Variants in ACIN1 observed in about 807,000 individuals in gnomAD.
ACIN1 encodes the protein apoptotic chromatin condensation inducer in the nucleus.
In ACIN1, 16 loss-of-function variants were observed where a neutral mutation model predicts 146.6. The observed-to-expected ratio is 0.11, with a 90% CI of 0.07 to 0.17. The LOEUF (loss-of-function observed/expected upper bound fraction) is 0.17, where lower values mean the gene tolerates loss of function less well. Ranked by LOEUF, ACIN1 falls within the 10% of genes least tolerant of loss-of-function variation. ACIN1 has a pLI of 1.00. For synonymous variants in ACIN1, 569 were observed against 582.7 expected (o/e 0.98, Z 0.34); for missense variants, 1,357 against 1,609.3 (o/e 0.84, Z 2.68).
chr14:23,061,269 G>A (rs767908253), intron 17 of ACIN1, 29 bp downstream of exon 17: 6 of 1,613,530 alleles, frequency 3.7e-6, no homozygotes, highest in East Asian at 2.2e-5. Context: ...CTACTAGTGG[G>A]TATGCGTACC....
chr14:23,075,461 A>G (rs763077611), intron 8 of ACIN1, among the ~76,000 whole-genome samples: 1 of 152,024 alleles, frequency 6.6e-6, no homozygotes, highest in African/African-American at 2.4e-5. Flanking sequence ...AGGACCCACA[A>G]ATTCCTGCTC....
At chr14:23,074,145 T>C (rs916184908) in intron 8 of ACIN1, among the ~76,000 whole-genome samples, 5 of 151,812 alleles carry the variant, frequency 3.3e-5, no homozygotes, top group African/African-American at 1.2e-4. Context: ...GCCGAAAATT[T>C]CTTTTTTTTA....
intron 4 of ACIN1, among the ~76,000 whole-genome samples, chr14:23,084,906 TAA>T (rs1249662085): frequency 6.6e-6 from 1 of 152,082 alleles, no homozygotes; most frequent in Non-Finnish European, 1.5e-5. Context: ...TGAAATAGGC[TAA>T]GTTATAAAAT....
chr14:23,061,938 C>A (rs1216220601), intron 16 of ACIN1, among the ~76,000 whole-genome samples: 1 of 139,192 alleles, frequency 7.2e-6, no homozygotes, highest in East Asian at 2.1e-4. Context: ...CGCGCCACTG[C>A]ACTCCAGCCT....
chr14:23,093,343 G>T, intron 2 of ACIN1, 136 bp downstream of exon 2: 1 of 871,950 alleles, frequency 1.1e-6, no homozygotes, highest in Non-Finnish European at 1.8e-6. Context: ...AACTGTCCTG[G>T]TTTGAGAACA....
At position 23,090,023 on chromosome 14, in the gene ACIN1, C is replaced by A. The variant is rs1384493314; in HGVS notation, c.395G>T (p.Ser132Ile). ...ASLLPPDFQS[S>I]LERPELELSR... ...GAGCTCCAGCTCTGGTCTCTCCAGG[C>A]TGCTCTGAAAGTCAGGAGGCAGCAG... Residue 132 changes from serine (S) to isoleucine (I), a missense_variant, in exon 4 of 19, where the codon AGC (serine) becomes ATC (isoleucine). Physicochemically the swap from Ser to Ile is moderately radical, Grantham distance 142. Around this residue, in one of 4 missense-constraint regions of ACIN1, gnomAD observed 771 missense variants for 746.6 expected, o/e 1.03. Transcript: ENST00000605057. The A allele has an allele frequency of 1.2e-6, 2 of 1,613,410 alleles. No homozygotes were observed. Among genetic ancestry groups the A allele is most frequent in the Non-Finnish European group, 1.7e-6 (2 of 1,179,834 alleles).
At chr14:23,092,867 C>G (rs1299566231) in intron 2 of ACIN1, among the ~76,000 whole-genome samples, 1 of 152,152 alleles carries the variant, frequency 6.6e-6, no homozygotes, top group South Asian at 2.1e-4. Context: ...AGCAGCTCCA[C>G]AAAACCCTAA....
intron 18 of ACIN1, 126 bp from the exon 19 acceptor site, chr14:23,059,600 C>T: frequency 1.4e-6 from 1 of 693,806 alleles, no homozygotes; most frequent in Non-Finnish European, 2.5e-6. Context: ...GTTGGGGGCT[C>T]AACAACTGCA....
At chr14:23,094,782 G>C (rs890877788) in intron 1 of ACIN1, 193 bp downstream of exon 1, 5 of 900,388 alleles carry the variant, frequency 5.6e-6, no homozygotes, top group Non-Finnish European at 8.2e-6. Context: ...CGCTGCTGCC[G>C]TTAAGGCGGG....
rs1490313516 is a variant in ACIN1, at chr14:23,084,579, C to T, written c.437-2743G>A. On this transcript the variant is annotated intron_variant, in intron 4 of 18. Coordinates refer to ENST00000605057, the MANE Select transcript of ACIN1 (RefSeq NM_001386863.1). ...GAGCCGAGATGGCGCTATTGCACTC[C>T]AGCCTGGGCGACAGAGCGAGACTCC... Among the ~76,000 whole-genome samples, 4 of 149,972 alleles carry T rather than the reference C, an allele frequency of 2.7e-5. No individual in the cohort carries two copies. In the East Asian group the frequency reaches 7.9e-4, roughly 30 times the overall value.
chr14:23,089,983 G>GGGC lies in ACIN1; in HGVS notation c.432_434dup (p.Pro145dup). Reference sequence around the variant, plus strand: ...CGCAGTGGGGAGGGAGATACGTACTGGGCGAATGTCTGCTGAGCTCCAGCT... The same window carrying GGGC: ...CGCAGTGGGGAGGGAGATACGTACTGGGCGGCGAATGTCTGCTGAGCTCCAGCT... On this transcript the variant is annotated inframe_insertion and splice_region_variant, in exon 4 of 19. Coordinates refer to ENST00000605057, the MANE Select transcript of ACIN1 (RefSeq NM_001386863.1). The GGGC allele has an allele frequency of 6.2e-7, 1 of 1,610,968 alleles. No individual in the cohort carries two copies. The highest frequency in any genetic ancestry group is 8.5e-7 in the Non-Finnish European group (1 of 1,178,684).
At chr14:23,087,359 A>G (rs1292178140) in intron 4 of ACIN1, among the ~76,000 whole-genome samples, 1 of 152,202 alleles carries the variant, frequency 6.6e-6, no homozygotes, top group Non-Finnish European at 1.5e-5. Context: ...TTTATGGCAT[A>G]AAGGACACTG....
chr14:23,083,394 G>T (rs184803405), intron 4 of ACIN1, among the ~76,000 whole-genome samples: 25 of 152,264 alleles, frequency 1.6e-4, no homozygotes, highest in African/African-American at 5.5e-4. Context: ...TTGAGAAAAA[G>T]GAGGGGCTGC....
rs1594732371 is a variant in ACIN1, at chr14:23,059,020, T to G, written c.*128A>C. The G allele has an allele frequency of 2.4e-6, 2 of 837,944 alleles. No individual in the cohort carries two copies. The highest frequency in any genetic ancestry group is 3.8e-6 in the Non-Finnish European group (2 of 531,410). 51.9% of individuals were successfully genotyped at this position (837,944 alleles called of 1,614,324 possible). ...AAAGGATGGCCACTTTTCCATTTGGTATGTATGTAGGGATAGGTGATGTGA... is the reference window on the plus strand; with the variant it reads ...AAAGGATGGCCACTTTTCCATTTGGGATGTATGTAGGGATAGGTGATGTGA... On this transcript the variant is annotated 3_prime_UTR_variant, in exon 19 of 19. Coordinates refer to ENST00000605057, the MANE Select transcript of ACIN1 (RefSeq NM_001386863.1).
intron 4 of ACIN1, among the ~76,000 whole-genome samples, chr14:23,084,545 G>C (rs1473968657): frequency 6.6e-6 from 1 of 151,864 alleles, no homozygotes; most frequent in Non-Finnish European, 1.5e-5. Flanking sequence ...GGGAGGCAGA[G>C]GTTGTAGTGA....
At chr14:23,071,064 G>C in intron 8 of ACIN1, 3 of 1,492,014 alleles carry the variant, frequency 2.0e-6, no homozygotes, top group Non-Finnish European at 2.7e-6. Flanking sequence ...AGGAAGAGAA[G>C]GAAGACGAAG....
At position 23,085,204 on chromosome 14, in the gene ACIN1, G is replaced by A. The variant is rs1423846929; in HGVS notation, c.437-3368C>T. ...AAAAAAATTAGTCGGGTGTGGGGGCGGGTGCCTGCAGTCCCAGCTACTTGG... is the reference window on the plus strand; with the variant it reads ...AAAAAAATTAGTCGGGTGTGGGGGCAGGTGCCTGCAGTCCCAGCTACTTGG... On this transcript the variant is annotated intron_variant, in intron 4 of 18. Coordinates refer to ENST00000605057, the MANE Select transcript of ACIN1 (RefSeq NM_001386863.1). Among the ~76,000 whole-genome samples, 8 of 152,036 alleles carry A rather than the reference G, an allele frequency of 5.3e-5. 1 individual carries two copies. The highest frequency in any genetic ancestry group is 2.1e-4 in the South Asian group (1 of 4,818).
At chr14:23,062,710 T>C (rs567758558) in intron 14 of ACIN1, 187 bp from the exon 15 acceptor site, 9 of 737,960 alleles carry the variant, frequency 1.2e-5, no homozygotes, top group African/African-American at 7.1e-5. Context: ...AGACGTTGTA[T>C]GTGAGGCCTT....
intron 8 of ACIN1, chr14:23,077,949 T>G (rs961144195): frequency 4.9e-6 from 2 of 411,728 alleles, no homozygotes; most frequent in African/African-American, 4.1e-5. Flanking sequence ...GTTTTCCTTG[T>G]GCCCTGACGA....
Sources: allele counts gnomAD v4.1 joint callset (sites outside exome capture counted in the v4.1 genomes callset), GRCh38; gene constraint gnomAD v4.1.1; regional missense constraint gnomAD v4.1.1; transcripts MANE v1.5; gene names NCBI Gene and HGNC (gene_info 2026-07-23, HGNC 2026-07-21).